Variants in FOXP2 observed in about 807,000 individuals in gnomAD.
FOXP2 encodes the protein forkhead box P2.
In FOXP2, 12 loss-of-function variants were observed where a neutral mutation model predicts 115.8. That is an observed-to-expected ratio of 0.10 (90% confidence interval 0.07 to 0.17). The LOEUF is 0.17. Among genes scored for constraint, FOXP2 ranks in the 10% least tolerant of loss-of-function variants. The pLI, the probability that FOXP2 is intolerant of heterozygous loss-of-function variation, is 1.00. For synonymous variants in FOXP2, 328 were observed against 297.7 expected, an observed-to-expected ratio of 1.10 and a Z score of -1.05; for missense variants, 629 against 843.5, an observed-to-expected ratio of 0.75 and a Z score of 3.15.
chr7:114,656,313 G>GTT (rs35841155), intron 10 of FOXP2: 191 of 182,486 alleles, frequency 1.0e-3, no homozygotes, highest in South Asian at 4.1e-3. Context: ...ATCCAGCTGA[G>GTT]TTTTTTTTTT....
At chr7:114,517,953 A>C (rs551777578) in intron 2 of FOXP2, among the ~76,000 whole-genome samples, 1 of 152,260 alleles carries the variant, frequency 6.6e-6, no homozygotes, top group East Asian at 1.9e-4. Flanking sequence ...CCTCCAATCC[A>C]TGAACATGGG....
In FOXP2 at chr7:114,281,876, A is replaced by T. The variant is rs573625854; in HGVS notation, c.-101-6143A>T. Among the ~76,000 whole-genome samples the T allele has an allele frequency of 1.7e-3, 257 of 152,104 alleles. 2 individuals are homozygous for T. The highest frequency in any genetic ancestry group is 6.1e-3 in the African/African-American group (253 of 41,496). On this transcript the variant is annotated intron_variant, in intron 1 of 17. Transcript: ENST00000634411. ...GTATCTTCTTAATGGATTTATTAGG[A>T]TGTGGTAGAGTCTTGAAGGATCATT...
intron 2 of FOXP2, among the ~76,000 whole-genome samples, chr7:114,391,491 T>C (rs1792600357): frequency 6.6e-6 from 1 of 152,178 alleles, no homozygotes; most frequent in Admixed American, 6.5e-5. Context: ...CTTTTATAAA[T>C]ATTTGCCTTT....
intron 15 of FOXP2, 84 bp from the exon 16 acceptor site, chr7:114,664,189 A>T: frequency 7.1e-7 from 1 of 1,399,960 alleles, no homozygotes; most frequent in Non-Finnish European, 9.9e-7. Flanking sequence ...TCCTTATTGG[A>T]ACCCATTAAA....
intron 1 of FOXP2, among the ~76,000 whole-genome samples, chr7:114,255,920 G>A (rs1184901647): frequency 2.0e-5 from 3 of 152,008 alleles, no homozygotes; most frequent in South Asian, 2.1e-4. Flanking sequence ...CTTCCTATTC[G>A]GCCATCGTGG....
intron 1 of FOXP2, among the ~76,000 whole-genome samples, chr7:114,178,983 A>C (rs1001086410): frequency 3.3e-5 from 5 of 151,892 alleles, no homozygotes; most frequent in Admixed American, 1.3e-4. Context: ...ATCAACTCAA[A>C]ATTCTATGTA....
chr7:114,616,139 T>C (rs1354719288), intron 3 of FOXP2, among the ~76,000 whole-genome samples: 3 of 151,792 alleles, frequency 2.0e-5, no homozygotes, highest in African/African-American at 7.3e-5. Context: ...ACACAACAGG[T>C]GAGTTGTTTT....
At chr7:114,638,247 G>C (rs114664645) in intron 6 of FOXP2, among the ~76,000 whole-genome samples, 2,476 of 152,144 alleles carry the variant, frequency 0.016, 54 homozygotes, top group African/African-American at 0.056. Flanking sequence ...GGTTTTTCTT[G>C]CTCAAATAGA....
intron 1 of FOXP2, among the ~76,000 whole-genome samples, chr7:114,196,292 G>A (rs1793905693): frequency 1.3e-5 from 2 of 152,120 alleles, no homozygotes; most frequent in Admixed American, 6.5e-5. Context: ...TTATAGGCAT[G>A]AGCCACCACG....
chr7:114,575,140 C>G (rs1801510046), intron 3 of FOXP2, among the ~76,000 whole-genome samples: 1 of 151,870 alleles, frequency 6.6e-6, no homozygotes, highest in Non-Finnish European at 1.5e-5. Context: ...CTACAATCAG[C>G]TTTCTGGTTT....
At chr7:114,315,149 A>C (rs535192844) in intron 2 of FOXP2, among the ~76,000 whole-genome samples, 1 of 152,242 alleles carries the variant, frequency 6.6e-6, no homozygotes, top group East Asian at 1.9e-4. Context: ...TGTGAGGGTT[A>C]ATTGTTTACA....
intron 3 of FOXP2, among the ~76,000 whole-genome samples, chr7:114,546,843 C>T (rs1799949283): frequency 6.6e-6 from 1 of 152,196 alleles, no homozygotes; most frequent in African/African-American, 2.4e-5. Flanking sequence ...TCAGAGATTG[C>T]ATTTTATTCA....
chr7:114,381,733 T>A (rs1792307572), intron 2 of FOXP2, among the ~76,000 whole-genome samples: 1 of 152,038 alleles, frequency 6.6e-6, no homozygotes, highest in South Asian at 2.1e-4. Flanking sequence ...GCCCGTTGGG[T>A]TTCTGTACTC....
chr7:114,129,821 A>G (rs1446675465), intron 1 of FOXP2, among the ~76,000 whole-genome samples: 1 of 152,262 alleles, frequency 6.6e-6, no homozygotes, highest in Non-Finnish European at 1.5e-5. Context: ...TACCTGATTC[A>G]CATACTGTAG....
intron 1 of FOXP2, among the ~76,000 whole-genome samples, chr7:114,203,877 A>G (rs778334615): frequency 8.5e-5 from 13 of 152,132 alleles, no homozygotes; most frequent in Non-Finnish European, 1.6e-4. Flanking sequence ...AAATAGAAAA[A>G]CTACATTGAG....
intron 3 of FOXP2, among the ~76,000 whole-genome samples, chr7:114,585,569 TAA>T (rs201485322): frequency 4.1e-4 from 57 of 138,464 alleles, no homozygotes; most frequent in African/African-American, 4.7e-4. Flanking sequence ...ACGCTACTAT[TAA>T]AAAAAAAAAA....
chr7:114,334,933 A>ATG (rs1053238028), intron 2 of FOXP2, among the ~76,000 whole-genome samples: 2 of 65,804 alleles, frequency 3.0e-5, no homozygotes, highest in East Asian at 5.8e-4. Context: ...ATAGAAATCT[A>ATG]TATATATATA....
chr7:114,550,112 C>CTTTTTTTTTTT (rs941573098), intron 3 of FOXP2, among the ~76,000 whole-genome samples: 29 of 103,294 alleles, frequency 2.8e-4, no homozygotes, highest in African/African-American at 3.8e-4. Flanking sequence ...CCTTTCTTTT[C>CTTTTTTTTTTT]TTTTTTTTTT....
At chr7:114,644,165 A>C (rs2129334202) in intron 7 of FOXP2, among the ~76,000 whole-genome samples, 1 of 152,344 alleles carries the variant, frequency 6.6e-6, no homozygotes, top group South Asian at 2.1e-4. Flanking sequence ...TTATATAAAG[A>C]TAAAGCTAAT....
Sources: gnomAD v4.1 joint callset for allele counts (sites outside exome capture counted in the v4.1 genomes callset) on GRCh38, gnomAD v4.1.1 for gene constraint, MANE v1.5 for transcripts, NCBI Gene and HGNC (gene_info 2026-07-23, HGNC 2026-07-21) for gene names.